The following ZC3H6 variants were observed in gnomAD, a reference collection of about 807,000 sequenced individuals.
The protein encoded by ZC3H6 is zinc finger CCCH domain-containing protein 6.
A neutral mutation model predicts 107.7 loss-of-function variants in ZC3H6; 40 were observed. The observed-to-expected ratio is 0.37, with a 90% CI of 0.29 to 0.48. ZC3H6 has a LOEUF of 0.48. Ranked by LOEUF, ZC3H6 falls within the 20% of genes least tolerant of loss-of-function variation. The probability of loss-of-function intolerance (pLI) is 0.98; values close to 1 mark genes in which losing one functional copy is unlikely to be tolerated. For missense variants in ZC3H6, 1,267 were observed against 1,410.4 expected, an observed-to-expected ratio of 0.90 and a Z score of 1.63; for synonymous variants, 493 against 487.9, an observed-to-expected ratio of 1.01 and a Z score of -0.14.
At chr2:112,278,409 C>T (rs915995107) in intron 1 of ZC3H6, among the ~76,000 whole-genome samples, 13 of 152,216 alleles carry the variant, frequency 8.5e-5, no homozygotes, top group Non-Finnish European at 1.9e-4. Context: ...GCTCCACTTC[C>T]CGCCTTCACA....
In ZC3H6 at chr2:112,280,471, G is replaced by A. The variant is rs1377485809; in HGVS notation, c.32+4445G>A. 2.0e-5 allele frequency among the ~76,000 whole-genome samples: 3 copies of A among 151,992 alleles called. No individual in the cohort carries two copies. In the South Asian group the frequency reaches 6.2e-4, roughly 32 times the overall value. ...TCATTCATTACATTTTCATTCCTCA[G>A]ACTTAACAGTGTTTCGTCTCTGCTA... On this transcript the variant is annotated intron_variant, in intron 1 of 11. Transcript: ENST00000409871.
At chr2:112,319,451 A>C (rs942122473) in intron 7 of ZC3H6, among the ~76,000 whole-genome samples, 1 of 152,120 alleles carries the variant, frequency 6.6e-6, no homozygotes, top group Admixed American at 6.6e-5. Flanking sequence ...TTCAAGACCA[A>C]CCTGGCCAAC....
At chr2:112,311,679 C>T in intron 4 of ZC3H6, 125 bp from the exon 5 acceptor site, 1 of 786,788 alleles carries the variant, frequency 1.3e-6, no homozygotes, top group Non-Finnish European at 1.9e-6. Flanking sequence ...TTCATTGAAT[C>T]TAGAAGGAAA....
rs746552410 is a variant in ZC3H6 at position 112,322,732 on chromosome 2, C to G, written c.1170C>G (p.Pro390=). The part of the protein sequence containing the change: ...ELRKRGITPL[P]KPPPGVGLLP... ...GAAAGCGTGGCATAACTCCTCTTCC[C>G]AAACCACCTCCAGGGGTTGGGCTTC... is the stretch of plus-strand genomic sequence containing the variant. The change falls in exon 9 of 12, where the codon CCC becomes CCG. Residue 390 remains proline (P), a synonymous_variant. Coordinates refer to ENST00000409871, the MANE Select transcript of ZC3H6 (RefSeq NM_198581.3). The G allele has an allele frequency of 1.2e-6, 2 of 1,613,804 alleles. No homozygotes were observed. The highest frequency in any genetic ancestry group is 1.7e-6 in the Non-Finnish European group (2 of 1,179,842).
At chr2:112,298,398 C>A (rs924134985) in intron 1 of ZC3H6, among the ~76,000 whole-genome samples, 1 of 152,148 alleles carries the variant, frequency 6.6e-6, no homozygotes, top group East Asian at 1.9e-4. Context: ...AAAAAACCAA[C>A]TGAAATTCCA....
chr2:112,330,213 C>T (rs943872162), intron 11 of ZC3H6, among the ~76,000 whole-genome samples: 21 of 151,940 alleles, frequency 1.4e-4, no homozygotes, highest in South Asian at 2.1e-4. Flanking sequence ...CCACCGTGCA[C>T]GGCTAATTTT....
rs753841594 is a variant in ZC3H6, at chr2:112,338,849, A to ATG, written c.*6367_*6368dup. The ATG allele has an allele frequency of 3.7e-4, 11 of 29,422 alleles. No homozygotes were observed. The highest frequency in any genetic ancestry group is 9.4e-4 in the Admixed American group (2 of 2,124). 1.8% of individuals were successfully genotyped at this position (29,422 alleles called of 1,614,324 possible). ...ATAGACTATATATATATGTATGTAT[A>ATG]TGTGTGTATATATATATATATATAT... On this transcript the variant is annotated 3_prime_UTR_variant, in exon 12 of 12. Transcript: ENST00000409871.
At chr2:112,299,417 A>G (rs967231742) in intron 1 of ZC3H6, among the ~76,000 whole-genome samples, 1 of 152,176 alleles carries the variant, frequency 6.6e-6, no homozygotes, top group South Asian at 2.1e-4. Context: ...ATAGCTGTCT[A>G]TGAGCCACTA....
intron 11 of ZC3H6, among the ~76,000 whole-genome samples, chr2:112,329,390 G>T (rs1676977637): frequency 6.6e-6 from 1 of 152,192 alleles, no homozygotes; most frequent in African/African-American, 2.4e-5. Context: ...TATGAGGAGT[G>T]AAATTACTAT....
chr2:112,331,177 C>T lies in ZC3H6; in HGVS notation c.2259C>T (p.Asn753=). ...PRLAKEKSKG[N]QVVDPRLRTI... ...TTGCTAAAGAGAAAAGTAAAGGAAA[C>T]CAAGTGGTTGACCCTAGGCTTAGGA... The change falls in exon 12 of 12, where the codon AAC becomes AAT. Residue 753 remains asparagine, a synonymous_variant. Coordinates refer to ENST00000409871, the MANE Select transcript of ZC3H6 (RefSeq NM_198581.3). 1.9e-6 allele frequency: 3 copies of T among 1,613,618 alleles called. No homozygotes were observed. Among genetic ancestry groups the T allele is most frequent in the Non-Finnish European group, 2.5e-6 (3 of 1,179,762 alleles).
intron 11 of ZC3H6, among the ~76,000 whole-genome samples, chr2:112,325,830 A>G (rs1676897228): frequency 6.6e-6 from 1 of 152,060 alleles, no homozygotes; most frequent in South Asian, 2.1e-4. Context: ...TTAAATATAA[A>G]AAGATTATAT....
At chr2:112,295,439 G>A (rs1676214379) in intron 1 of ZC3H6, among the ~76,000 whole-genome samples, 2 of 152,128 alleles carry the variant, frequency 1.3e-5, no homozygotes, top group South Asian at 2.1e-4. Flanking sequence ...CCTCTTCTAG[G>A]TATTTCCCAA....
chr2:112,281,881 A>G (rs1686532805), intron 1 of ZC3H6, among the ~76,000 whole-genome samples: 1 of 152,030 alleles, frequency 6.6e-6, no homozygotes, highest in Non-Finnish European at 1.5e-5. Flanking sequence ...AAGGTTAAAA[A>G]TAGGTCACAG....
chr2:112,331,819 A>C lies in ZC3H6; in HGVS notation c.2901A>C (p.Lys967Asn). 6.2e-7 allele frequency: 1 copy of C among 1,613,772 alleles called. No homozygotes were observed. Among genetic ancestry groups the C allele is most frequent in the Non-Finnish European group, 8.5e-7 (1 of 1,179,866 alleles). ...AATTAGGAGATCCTAGACTACAAAA[A>C]AATTTTGATCCTAGGCTTCACAGAC... is the stretch of plus-strand genomic sequence containing the variant. Reference protein sequence around the residue: ...GAKLGDPRLQKNFDPRLHRLP... With the variant: ...GAKLGDPRLQNNFDPRLHRLP... The change falls in exon 12 of 12, where the codon AAA (lysine) becomes AAC (asparagine). Residue 967 changes from lysine (K) to asparagine (N), a missense_variant. Transcript: ENST00000409871.
chr2:112,285,435 T>A (rs1686589626), intron 1 of ZC3H6, among the ~76,000 whole-genome samples: 1 of 151,834 alleles, frequency 6.6e-6, no homozygotes, highest in African/African-American at 2.4e-5. Context: ...TGGCTCACTG[T>A]AACCTCTGCC....
At chr2:112,278,784 C>G (rs1686473035) in intron 1 of ZC3H6, among the ~76,000 whole-genome samples, 1 of 152,032 alleles carries the variant, frequency 6.6e-6, no homozygotes, top group African/African-American at 2.4e-5. Context: ...TCACAGAATG[C>G]ATAATTTTTT....
At chr2:112,320,567 G>A (rs1676783456) in intron 7 of ZC3H6, among the ~76,000 whole-genome samples, 1 of 152,118 alleles carries the variant, frequency 6.6e-6, no homozygotes, top group Admixed American at 6.5e-5. Context: ...CAGGTCAGAA[G>A]TGATTTGGCA....
chr2:112,293,843 A>C (rs556284235), intron 1 of ZC3H6, among the ~76,000 whole-genome samples: 11 of 152,382 alleles, frequency 7.2e-5, no homozygotes, highest in African/African-American at 2.6e-4. Flanking sequence ...CATGATCAGC[A>C]TAGTGTCAGC....
intron 7 of ZC3H6, among the ~76,000 whole-genome samples, chr2:112,319,288 C>T (rs566314094): frequency 4.6e-5 from 7 of 152,038 alleles, no homozygotes; most frequent in African/African-American, 1.4e-4. Flanking sequence ...TTGATTGAGG[C>T]CAGGAGTTGG....
Sources: allele counts gnomAD v4.1 joint callset (sites outside exome capture counted in the v4.1 genomes callset), GRCh38; gene constraint gnomAD v4.1.1; transcripts MANE v1.5; gene names NCBI Gene and HGNC (gene_info 2026-07-23, HGNC 2026-07-21).